Variants in SMAD3 observed in about 807,000 individuals in gnomAD.
SMAD3 encodes SMAD family member 3, also known as MAD homolog 3.
SMAD3 carries 12 observed loss-of-function variants against 51.8 expected under a neutral mutation model. The observed-to-expected ratio is 0.23, with a 90% CI of 0.15 to 0.38. The LOEUF (loss-of-function observed/expected upper bound fraction) is 0.38, where lower values mean the gene tolerates loss of function less well. SMAD3 is among the 10% of genes least tolerant of loss of function. The pLI, the probability that SMAD3 is intolerant of heterozygous loss-of-function variation, is 1.00. For synonymous variants in SMAD3, 238 were observed against 227.7 expected (o/e 1.05, Z -0.41); for missense variants, 294 against 565.6 (o/e 0.52, Z 4.87).
intron 1 of SMAD3, among the ~76,000 whole-genome samples, chr15:67,150,425 C>T (rs1414471294): frequency 1.3e-5 from 2 of 152,170 alleles, no homozygotes; most frequent in South Asian, 2.1e-4. Context: ...CAGTTATCAT[C>T]GCCTGGTTCC....
intron 1 of SMAD3, among the ~76,000 whole-genome samples, chr15:67,154,888 A>T (rs1372978859): frequency 6.6e-6 from 1 of 152,138 alleles, no homozygotes; most frequent in African/African-American, 2.4e-5. Context: ...ACAAAGAAAA[A>T]ATTGTCTTGC....
chr15:67,068,038 T>G (rs1446152429), intron 1 of SMAD3, among the ~76,000 whole-genome samples: 1 of 152,134 alleles, frequency 6.6e-6, no homozygotes, highest in African/African-American at 2.4e-5. Context: ...GTATCAATTG[T>G]AAAACAGGCA....
At chr15:67,132,520 G>A (rs756236924) in intron 1 of SMAD3, among the ~76,000 whole-genome samples, 4 of 152,150 alleles carry the variant, frequency 2.6e-5, no homozygotes, top group Admixed American at 2.6e-4. Context: ...TGACCCAAGA[G>A]GCAGGGACTC....
At chr15:67,086,946 A>G (rs1017788718) in intron 1 of SMAD3, among the ~76,000 whole-genome samples, 1 of 144,756 alleles carries the variant, frequency 6.9e-6, no homozygotes, top group Non-Finnish European at 1.5e-5. Flanking sequence ...CCCAGGCTGG[A>G]GTGCAGTGGT....
intron 1 of SMAD3, among the ~76,000 whole-genome samples, chr15:67,089,385 G>C (rs1960463253): frequency 6.6e-6 from 1 of 152,170 alleles, no homozygotes. Context: ...CACACCAGTG[G>C]GAAAGTGCAC....
intron 1 of SMAD3, among the ~76,000 whole-genome samples, chr15:67,160,812 A>G (rs12902435): frequency 0.013 from 1,611 of 122,654 alleles, 17 homozygotes; most frequent in Non-Finnish European, 0.022. Flanking sequence ...AAAAAAAAAA[A>G]GAAGATTGAA....
At chr15:67,188,497 A>G (rs2140325219) in intron 8 of SMAD3, among the ~76,000 whole-genome samples, 2 of 152,096 alleles carry the variant, frequency 1.3e-5, no homozygotes, top group East Asian at 3.9e-4. Flanking sequence ...TGCTTGGTTG[A>G]ATCTCTCAGG....
intron 1 of SMAD3, among the ~76,000 whole-genome samples, chr15:67,148,620 A>G (rs1962042895): frequency 6.6e-6 from 1 of 152,108 alleles, no homozygotes; most frequent in South Asian, 2.1e-4. Flanking sequence ...GCTGTTTTTA[A>G]TTGCACCTCT....
chr15:67,134,862 A>C (rs576901100), intron 1 of SMAD3, among the ~76,000 whole-genome samples: 59 of 152,136 alleles, frequency 3.9e-4, no homozygotes, highest in Non-Finnish European at 7.6e-4. Context: ...GGCAGAGGTG[A>C]GACAGAATGC....
chr15:67,102,420 A>G (rs1040186871), intron 1 of SMAD3, among the ~76,000 whole-genome samples: 2 of 152,200 alleles, frequency 1.3e-5, no homozygotes, highest in African/African-American at 4.8e-5. Context: ...TTGCTCAGAA[A>G]TGTGTGAAAA....
intron 1 of SMAD3, among the ~76,000 whole-genome samples, chr15:67,136,468 T>TA (rs1961665689): frequency 6.6e-6 from 1 of 152,196 alleles, no homozygotes; most frequent in Admixed American, 6.5e-5. Context: ...TAGCTGGTAT[T>TA]ACAGGCGTGC....
At chr15:67,132,261 C>T (rs775037291) in intron 1 of SMAD3, among the ~76,000 whole-genome samples, 8 of 152,140 alleles carry the variant, frequency 5.3e-5, no homozygotes, top group Non-Finnish European at 8.8e-5. Flanking sequence ...TCCCATGCTG[C>T]GAACGTCTCA....
At chr15:67,087,710 G>T (rs1421899297) in intron 1 of SMAD3, among the ~76,000 whole-genome samples, 1 of 151,196 alleles carries the variant, frequency 6.6e-6, no homozygotes, top group Non-Finnish European at 1.5e-5. Flanking sequence ...AGAAAGCCCT[G>T]TATAGAGCAA....
chr15:67,182,067 G>A (rs536055208), intron 6 of SMAD3, among the ~76,000 whole-genome samples: 26 of 152,308 alleles, frequency 1.7e-4, no homozygotes, highest in African/African-American at 5.8e-4. Context: ...GATTACAGGC[G>A]TGAGCCACCG....
intron 1 of SMAD3, among the ~76,000 whole-genome samples, chr15:67,090,125 C>T (rs944522093): frequency 6.6e-6 from 1 of 152,190 alleles, no homozygotes; most frequent in Non-Finnish European, 1.5e-5. Flanking sequence ...TGACAGGTGG[C>T]ACTGGGAGTG....
chr15:67,114,238 C>T (rs1439373002), intron 1 of SMAD3, among the ~76,000 whole-genome samples: 3 of 152,202 alleles, frequency 2.0e-5, no homozygotes, highest in Non-Finnish European at 4.4e-5. Flanking sequence ...CGCCCACTCC[C>T]TCTGACATGC....
intron 1 of SMAD3, chr15:67,142,953 G>T (rs1362318380): frequency 5.3e-6 from 2 of 377,664 alleles, no homozygotes; most frequent in East Asian, 1.9e-4. Context: ...ATTTTCTCTG[G>T]CATGTCCTTT....
intron 1 of SMAD3, among the ~76,000 whole-genome samples, chr15:67,127,890 G>C (rs895188470): frequency 6.6e-6 from 1 of 152,174 alleles, no homozygotes. Flanking sequence ...AATGAAGCTG[G>C]GGGGAGCTGA....
At chr15:67,153,559 G>T (rs929502570) in intron 1 of SMAD3, among the ~76,000 whole-genome samples, 4 of 152,186 alleles carry the variant, frequency 2.6e-5, no homozygotes, top group African/African-American at 9.7e-5. Flanking sequence ...AGCCCAGGGG[G>T]ATCTCAAGGG....
Sources: gnomAD v4.1 joint callset for allele counts (sites outside exome capture counted in the v4.1 genomes callset) on GRCh38, gnomAD v4.1.1 for gene constraint, MANE v1.5 for transcripts, NCBI Gene and HGNC (gene_info 2026-07-23, HGNC 2026-07-21) for gene names.